The following PCDHGA10 variants were observed in gnomAD, a reference collection of about 807,000 sequenced individuals.
The protein encoded by PCDHGA10 is protocadherin gamma-A10.
Under a neutral mutation model 59.5 loss-of-function variants are expected in PCDHGA10, and 42 were observed. The ratio of observed to expected loss-of-function variants is 0.71; its 90% CI spans 0.55 to 0.91. PCDHGA10 has a LOEUF of 0.91. Ranked by LOEUF, PCDHGA10 falls within the 40% of genes least tolerant of loss-of-function variation. The pLI is 0.00. For missense variants in PCDHGA10, 1,111 were observed against 1,198.2 expected (o/e 0.93, Z 1.07); for synonymous variants, 511 against 517.2 (o/e 0.99, Z 0.16).
At chr5:141,480,525 A>G (rs191522157) in intron 1 of PCDHGA10, among the ~76,000 whole-genome samples, 131 of 152,310 alleles carry the variant, frequency 8.6e-4, no homozygotes, top group African/African-American at 2.6e-3. Context: ...AAAAATGACA[A>G]AGTAGAAGCA....
Position 141,485,220 on chromosome 5 carries a change from C to T in PCDHGA10, c.2437-9587C>T. The T allele has an allele frequency of 6.2e-7, 1 of 1,614,192 alleles. No homozygotes were observed. The highest frequency in any genetic ancestry group is 8.5e-7 in the Non-Finnish European group (1 of 1,180,024). On this transcript the variant is annotated intron_variant, in intron 1 of 3. Transcript: ENST00000398610. This position sits in a 1 kb window ranked among gnomAD's most constrained non-coding sequence, Gnocchi z 5.7. ...TGGACAGAAATCTGGCGGTGGGCTA[C>T]CCTTTTGTTCCTCTTTTACCACCTG... is the stretch of plus-strand genomic sequence containing the variant.
Position 141,476,974 on chromosome 5 carries a change from C to G in PCDHGA10, c.2437-17833C>G. 1 of 1,614,268 alleles carries G rather than the reference C, an allele frequency of 6.2e-7. No homozygotes were observed. The highest frequency in any genetic ancestry group is 1.3e-5 in the African/African-American group (1 of 75,080). On this transcript the variant is annotated intron_variant, in intron 1 of 3. Coordinates refer to ENST00000398610, the MANE Select transcript of PCDHGA10 (RefSeq NM_018913.3). This position sits in a 1 kb window ranked among gnomAD's most constrained non-coding sequence, Gnocchi z 7.6. ...AAATTATTTACTCCTTCGGCAGCCA[C>G]AACCGCGCCGGCGTGCGGCAACTAT...
At chr5:141,446,129 A>C (rs1488078150) in intron 1 of PCDHGA10, among the ~76,000 whole-genome samples, 1 of 152,204 alleles carries the variant, frequency 6.6e-6, no homozygotes, top group Non-Finnish European at 1.5e-5. Flanking sequence ...GTTCAATAAG[A>C]CTTAATAATG....
At chr5:141,498,971 G>GGGAGGGAAGGAAGGAAGGAAGGAA (rs2099787588) in intron 2 of PCDHGA10, among the ~76,000 whole-genome samples, 6 of 110,972 alleles carry the variant, frequency 5.4e-5, no homozygotes, top group Admixed American at 5.3e-4. Flanking sequence ...GAGGGAGGGA[G>GGGAGGGAAGGAAGGAAGGAAGGAA]GGAAGGAAGG....
chr5:141,448,786 A>C (rs1354591718), intron 1 of PCDHGA10, among the ~76,000 whole-genome samples: 1 of 148,848 alleles, frequency 6.7e-6, no homozygotes, highest in African/African-American at 2.5e-5. Flanking sequence ...TAAAAATACA[A>C]AAAAAAAAAT....
chr5:141,473,431 G>A (rs541546681), intron 1 of PCDHGA10, among the ~76,000 whole-genome samples: 10 of 152,266 alleles, frequency 6.6e-5, no homozygotes, highest in Non-Finnish European at 1.3e-4. Flanking sequence ...CAGATACTTT[G>A]CTTATGCAAA....
chr5:141,476,142 G>T lies in PCDHGA10; in HGVS notation c.2437-18665G>T. 6.2e-7 allele frequency: 1 copy of T among 1,610,446 alleles called. No individual in the cohort carries two copies. Among genetic ancestry groups the T allele is most frequent in the South Asian group, 1.1e-5 (1 of 90,868 alleles). On this transcript the variant is annotated intron_variant, in intron 1 of 3. Coordinates refer to ENST00000398610, the MANE Select transcript of PCDHGA10 (RefSeq NM_018913.3). The surrounding 1 kb of genome is among the most constrained non-coding windows in gnomAD (Gnocchi z 7.6). Reference sequence around the variant, plus strand: ...ATGGTCCCAGAGGCCTGGAGGAGCGGACTGGTAAGCACCGGGAGGGTAGTG... The same window carrying T: ...ATGGTCCCAGAGGCCTGGAGGAGCGTACTGGTAAGCACCGGGAGGGTAGTG...
chr5:141,449,588 CAAAAAAAAAAA>C (rs768743917), intron 1 of PCDHGA10, among the ~76,000 whole-genome samples: 1 of 57,492 alleles, frequency 1.7e-5, no homozygotes, highest in Non-Finnish European at 3.7e-5. Flanking sequence ...GACTCTGTCT[CAAAAAAAAAAA>C]AAAAAAAAGT....
chr5:141,473,033 GGAAA>G (rs1282468299), intron 1 of PCDHGA10, among the ~76,000 whole-genome samples: 6 of 146,356 alleles, frequency 4.1e-5, no homozygotes, highest in South Asian at 2.2e-4. Flanking sequence ...AAGGAAGGAA[GGAAA>G]GAAAGAAAGA....
rs200117787 is a variant in PCDHGA10, at chr5:141,477,443, G to T, written c.2437-17364G>T. ...CCCTTCCCTCTCAGCCCTTACAATA[G>T]TGCGTGTTCAAGTGTCCGACATCAA... On this transcript the variant is annotated intron_variant, in intron 1 of 3. Coordinates refer to ENST00000398610, the MANE Select transcript of PCDHGA10 (RefSeq NM_018913.3). This position sits in a 1 kb window ranked among gnomAD's most constrained non-coding sequence, Gnocchi z 4.9. The T allele has an allele frequency of 1.7e-5, 28 of 1,614,136 alleles. No homozygotes were observed. In the East Asian group the frequency reaches 6.2e-4, roughly 36 times the overall value.
intron 2 of PCDHGA10, among the ~76,000 whole-genome samples, chr5:141,495,968 CTGTTACTCTTTCTT>C (rs1033811907): frequency 6.6e-6 from 1 of 152,126 alleles, no homozygotes; most frequent in African/African-American, 2.4e-5. Context: ...GCCTCTTTCT[CTGTTACTCTTTCTT>C]TATCTCTCTT....
chr5:141,421,515 CTG>C, intron 1 of PCDHGA10: 1 of 1,614,080 alleles, frequency 6.2e-7, no homozygotes, highest in Non-Finnish European at 8.5e-7. Context: ...GGGAGGAGCT[CTG>C]TGAGACGGTG....
At chr5:141,424,300 AAC>A (rs1370166165) in intron 1 of PCDHGA10, 2 of 152,504 alleles carry the variant, frequency 1.3e-5, no homozygotes, top group Non-Finnish European at 2.9e-5. Context: ...TCATCCTATC[AAC>A]ACAGACATAT....
At chr5:141,430,682 C>A (rs2097302907) in intron 1 of PCDHGA10, 1 of 1,361,564 alleles carries the variant, frequency 7.3e-7, no homozygotes, top group South Asian at 1.7e-5. Flanking sequence ...CCAACTGTCC[C>A]ATTCTATGGG....
intron 1 of PCDHGA10, among the ~76,000 whole-genome samples, chr5:141,449,003 T>A (rs2098622649): frequency 1.3e-5 from 2 of 152,280 alleles, no homozygotes; most frequent in African/African-American, 4.8e-5. Context: ...AAAGCTGTTT[T>A]TTTTAACAGT....
At chr5:141,438,583 CATACATACATATATATATATATATATAT>C (rs1227221577) in intron 1 of PCDHGA10, among the ~76,000 whole-genome samples, 1 of 57,610 alleles carries the variant, frequency 1.7e-5, no homozygotes, top group African/African-American at 9.0e-5. Flanking sequence ...TACATACATA[CATACATACATATATATATATATATATAT>C]ATATATATAT....
intron 2 of PCDHGA10, among the ~76,000 whole-genome samples, chr5:141,504,968 C>A (rs1377016827): frequency 1.3e-5 from 2 of 152,206 alleles, no homozygotes; most frequent in East Asian, 3.9e-4. Context: ...ATTGGACCAG[C>A]CTGGCCAACA....
Position 141,462,050 on chromosome 5 carries a change from C to T in PCDHGA10, c.2437-32757C>T, listed in dbSNP as rs146056741. On this transcript the variant is annotated intron_variant, in intron 1 of 3. Coordinates refer to ENST00000398610, the MANE Select transcript of PCDHGA10 (RefSeq NM_018913.3). ...GTTGGTCAGGCGGGTCTTGAACTCC[C>T]GACCTCAGGTGATCTGCCCGCCTTG... is the stretch of plus-strand genomic sequence containing the variant. 5.5e-3 allele frequency among the ~76,000 whole-genome samples: 830 copies of T among 151,978 alleles called. 23 individuals are homozygous for T. The East Asian group carries it at 0.095, about 17-fold the overall frequency.
At chr5:141,441,791 C>T in intron 1 of PCDHGA10, 1 of 390,714 alleles carries the variant, frequency 2.6e-6, no homozygotes, top group Non-Finnish European at 5.1e-6. Flanking sequence ...TGAATGACAA[C>T]GCACCGCGGG....
Sources: gnomAD v4.1 joint callset for allele counts (sites outside exome capture counted in the v4.1 genomes callset) on GRCh38, gnomAD v4.1.1 for gene constraint, Gnocchi (gnomAD v3.1) non-coding constraint, MANE v1.5 for transcripts, NCBI Gene and HGNC (gene_info 2026-07-23, HGNC 2026-07-21) for gene names.